CHCT1: variants seen among roughly 807,000 people sequenced by gnomAD.
CHCT1 encodes CHD1 helical C-terminal domain containing protein 1.
At chr17:60,425,148 C>G in the CHCT1 span, among the ~76,000 whole-genome samples, 1 of 152,080 alleles carries the variant, frequency 6.6e-6, no homozygotes, top group African/African-American at 2.4e-5. Context: ...CCTTAAAAAC[C>G]CCAGTCCAGA....
At chr17:60,430,736 T>C in the CHCT1 span, among the ~76,000 whole-genome samples, 3 of 152,182 alleles carry the variant, frequency 2.0e-5, no homozygotes, top group Non-Finnish European at 4.4e-5. Context: ...CCGCCTCAGC[T>C]TCCCGAAGTG....
the CHCT1 span, among the ~76,000 whole-genome samples, chr17:60,429,063 A>T: frequency 6.6e-6 from 1 of 152,134 alleles, no homozygotes; most frequent in South Asian, 2.1e-4. Context: ...GCTAAGTTAG[A>T]TCTTTAAAAC....
chr17:60,429,930 T>C, the CHCT1 span, among the ~76,000 whole-genome samples: 1 of 152,016 alleles, frequency 6.6e-6, no homozygotes, highest in East Asian at 1.9e-4. Flanking sequence ...GTTCAAGCGA[T>C]TCTCCTGCCT....
the CHCT1 span, among the ~76,000 whole-genome samples, chr17:60,430,728 G>A: frequency 6.6e-6 from 1 of 152,180 alleles, no homozygotes; most frequent in South Asian, 2.1e-4. Context: ...TGATTCATCC[G>A]CCTCAGCTTC....
the CHCT1 span, chr17:60,429,247 G>A: frequency 1.7e-6 from 2 of 1,175,576 alleles, no homozygotes; most frequent in Non-Finnish European, 2.4e-6. Context: ...TTTTGGTTAG[G>A]CAAGTGTGAC....
the CHCT1 span, chr17:60,426,006 G>A: frequency 7.9e-7 from 1 of 1,263,104 alleles, no homozygotes; most frequent in Middle Eastern, 1.9e-4. Context: ...TCTTGGTAAG[G>A]ACTTTTGGTG....
chr17:60,426,967 A>G, the CHCT1 span: 1 of 1,419,068 alleles, frequency 7.0e-7, no homozygotes. Flanking sequence ...CTTGACCTTT[A>G]CCCCTGCCCT....
chr17:60,429,677 CTCTTCCCTCCTTTCCA>C, the CHCT1 span: 1 of 853,498 alleles, frequency 1.2e-6, no homozygotes, highest in East Asian at 2.7e-5. Context: ...TGACAAGCTC[CTCTTCCCTCCTTTCCA>C]TCTTCTCTTC....
At chr17:60,425,844 T>A in the CHCT1 span, 1 of 1,551,804 alleles carries the variant, frequency 6.4e-7, no homozygotes, top group Non-Finnish European at 8.7e-7. Context: ...GACTCGCTCA[T>A]GCGCCATGCC....
the CHCT1 span, chr17:60,429,406 C>A: frequency 1.2e-6 from 2 of 1,614,140 alleles, no homozygotes; most frequent in Non-Finnish European, 1.7e-6. Context: ...CCTTGCTGGC[C>A]GACCGGGAAG....
chr17:60,426,693 C>T, the CHCT1 span: 1 of 1,600,352 alleles, frequency 6.2e-7, no homozygotes. Context: ...TCCACCTCCC[C>T]AGCCTAGGGT....
At chr17:60,426,530 G>A in the CHCT1 span, 14 of 1,065,396 alleles carry the variant, frequency 1.3e-5, no homozygotes, top group Non-Finnish European at 2.6e-6. Context: ...ACAACTGCGT[G>A]CAGGCGCTCA....
the CHCT1 span, chr17:60,421,513 G>A: frequency 4.1e-6 from 4 of 985,376 alleles, no homozygotes; most frequent in Admixed American, 1.2e-4. Context: ...CTGGGCCCGG[G>A]CCCAGAGGAC....
At chr17:60,426,337 G>A in the CHCT1 span, 211 of 1,549,848 alleles carry the variant, frequency 1.4e-4, no homozygotes, top group Non-Finnish European at 1.8e-4. Flanking sequence ...ACTGGAGAAA[G>A]TAGGGCAGTC....
chr17:60,427,885 A>G, the CHCT1 span, among the ~76,000 whole-genome samples: 1 of 151,988 alleles, frequency 6.6e-6, no homozygotes, highest in African/African-American at 2.4e-5. Context: ...TCTTAGGTTC[A>G]CTGTCTCTTA....
At chr17:60,426,967 ACC>A in the CHCT1 span, 1 of 1,419,068 alleles carries the variant, frequency 7.0e-7, no homozygotes. Context: ...CTTGACCTTT[ACC>A]CCTGCCCTGG....
chr17:60,423,055 T>C, the CHCT1 span, among the ~76,000 whole-genome samples: 1 of 152,200 alleles, frequency 6.6e-6, no homozygotes, highest in African/African-American at 2.4e-5. Flanking sequence ...GGATCTTCCT[T>C]GTTCTCCCCG....
the CHCT1 span, among the ~76,000 whole-genome samples, chr17:60,423,535 C>T: frequency 6.6e-6 from 1 of 152,122 alleles, no homozygotes; most frequent in Non-Finnish European, 1.5e-5. Flanking sequence ...TCAGTCTCGG[C>T]TCACTGCAAC....
At chr17:60,429,373 C>T in the CHCT1 span, 3,076 of 1,613,226 alleles carry the variant, frequency 1.9e-3, 7 homozygotes, top group Non-Finnish European at 2.2e-3. Context: ...TGACATTCTG[C>T]GCCTCGGATG....
Sources: gnomAD v4.1 joint callset for allele counts (sites outside exome capture counted in the v4.1 genomes callset) on GRCh38, gnomAD v4.1.1 for gene constraint, MANE v1.5 for transcripts, NCBI Gene and HGNC (gene_info 2026-07-23, HGNC 2026-07-21) for gene names.